The following IFT52 variants were observed in gnomAD, a reference collection of about 807,000 sequenced individuals.
IFT52 encodes the protein intraflagellar transport protein 52 homolog.
A neutral mutation model predicts 54.4 loss-of-function variants in IFT52; 44 were observed. The ratio of observed to expected loss-of-function variants is 0.81; its 90% CI spans 0.63 to 1.04. The LOEUF (loss-of-function observed/expected upper bound fraction) is 1.04. Among genes scored for constraint, IFT52 ranks in the 50% least tolerant of loss-of-function variants. The pLI, the probability that IFT52 is intolerant of heterozygous loss-of-function variation, is 0.00. For missense variants in IFT52, 452 were observed against 523.6 expected, an observed-to-expected ratio of 0.86 and a Z score of 1.33; for synonymous variants, 181 against 185.3, an observed-to-expected ratio of 0.98 and a Z score of 0.19.
chr20:43,618,824 G>C, intron 7 of IFT52, 116 bp from the exon 8 acceptor site: 1 of 667,332 alleles, frequency 1.5e-6, no homozygotes, highest in South Asian at 1.9e-5. Flanking sequence ...GGTGTGAATT[G>C]GCACTCTTCA....
At chr20:43,603,237 G>T (rs191145133) in intron 3 of IFT52, among the ~76,000 whole-genome samples, 2 of 152,132 alleles carry the variant, frequency 1.3e-5, no homozygotes, top group South Asian at 4.1e-4. Flanking sequence ...TCTATGGTTT[G>T]GTTGGTCAAT....
intron 10 of IFT52, among the ~76,000 whole-genome samples, chr20:43,627,945 T>TTG (rs1292128174): frequency 7.5e-5 from 11 of 147,240 alleles, no homozygotes; most frequent in African/African-American, 2.8e-4. Context: ...TTTTTTTTTT[T>TTG]GAGATACAGT....
At chr20:43,617,817 G>A (rs770137210) in intron 7 of IFT52, among the ~76,000 whole-genome samples, 16 of 151,596 alleles carry the variant, frequency 1.1e-4, no homozygotes, top group African/African-American at 1.7e-4. Flanking sequence ...ATCTCAGCTC[G>A]CTGCAACCTC....
chr20:43,606,631 C>G (rs1263020430), intron 6 of IFT52, among the ~76,000 whole-genome samples: 1 of 151,410 alleles, frequency 6.6e-6, no homozygotes, highest in Non-Finnish European at 1.5e-5. Context: ...GTGTTTCTCG[C>G]AGAGGGGGAT....
At chr20:43,635,823 T>G in intron 10 of IFT52, 103 bp from the exon 11 acceptor site, 2 of 966,202 alleles carry the variant, frequency 2.1e-6, no homozygotes, top group South Asian at 1.5e-5. Flanking sequence ...CTAAAAATAG[T>G]ACTGAACCAC....
At chr20:43,628,903 A>G (rs933603965) in intron 10 of IFT52, among the ~76,000 whole-genome samples, 2 of 151,850 alleles carry the variant, frequency 1.3e-5, no homozygotes, top group Admixed American at 6.6e-5. Flanking sequence ...GAGAGAAGGC[A>G]TATATTAGGC....
chr20:43,613,828 G>A, intron 6 of IFT52, 22 bp from the exon 7 acceptor site: 1 of 1,599,302 alleles, frequency 6.3e-7, no homozygotes, highest in Non-Finnish European at 8.5e-7. Context: ...AAATTTGAAT[G>A]TGTTTCTTTA....
chr20:43,635,448 C>T (rs1416722865), intron 10 of IFT52, among the ~76,000 whole-genome samples: 1 of 152,110 alleles, frequency 6.6e-6, no homozygotes, highest in Non-Finnish European at 1.5e-5. Context: ...AGGCGCCAGC[C>T]ACCACACCCG....
chr20:43,645,364 T>C (rs1986138670), intron 13 of IFT52, among the ~76,000 whole-genome samples: 1 of 55,246 alleles, frequency 1.8e-5, no homozygotes. Context: ...GAGACCATAC[T>C]GGCTAACACA....
intron 10 of IFT52, among the ~76,000 whole-genome samples, chr20:43,632,616 A>G (rs992949367): frequency 6.6e-6 from 1 of 152,050 alleles, no homozygotes; most frequent in African/African-American, 2.4e-5. Context: ...CTCCCCCTAC[A>G]ATGTAAGTTC....
intron 3 of IFT52, among the ~76,000 whole-genome samples, chr20:43,597,522 C>T (rs1457058086): frequency 2.6e-5 from 4 of 152,124 alleles, no homozygotes; most frequent in Non-Finnish European, 4.4e-5. Flanking sequence ...AACCCTTCCA[C>T]ACTGATGGTG....
chr20:43,615,770 C>G (rs1344682559), intron 7 of IFT52, among the ~76,000 whole-genome samples: 1 of 152,026 alleles, frequency 6.6e-6, no homozygotes, highest in Non-Finnish European at 1.5e-5. Flanking sequence ...AACCCCCTCT[C>G]TACTAAAATT....
chr20:43,635,175 A>G (rs946930368), intron 10 of IFT52, among the ~76,000 whole-genome samples: 26 of 116,868 alleles, frequency 2.2e-4, no homozygotes, highest in Non-Finnish European at 3.8e-4. Context: ...CTCCAAAAAA[A>G]AGAGAGAGAG....
At chr20:43,602,143 T>TTTTA (rs1555801613) in intron 3 of IFT52, among the ~76,000 whole-genome samples, 7,932 of 145,392 alleles carry the variant, frequency 0.055, 278 homozygotes, top group East Asian at 0.088. Flanking sequence ...CTGATTTTTA[T>TTTTA]TTTATTTATT....
intron 4 of IFT52, 73 bp from the exon 5 acceptor site, chr20:43,604,110 A>G (rs1982667623): frequency 7.7e-7 from 1 of 1,297,668 alleles, no homozygotes; most frequent in African/African-American, 1.5e-5. Context: ...CTTCAGGTCA[A>G]AATTGGTATG....
chr20:43,596,736 C>CTCTTTTT (rs1293519702), intron 3 of IFT52, among the ~76,000 whole-genome samples: 9 of 75,914 alleles, frequency 1.2e-4, no homozygotes, highest in South Asian at 5.4e-4. Flanking sequence ...AGCCACACTT[C>CTCTTTTT]TTTTTTTTTT....
chr20:43,611,845 C>T lies in IFT52; in HGVS notation c.486-2005C>T, dbSNP rs559933604. ...AGGAGTTTGAGACTAGCCTGACCAA[C>T]ATGGTGAAACCCCATCTTTACTAAA... On this transcript the variant is annotated intron_variant, in intron 6 of 13. Coordinates refer to ENST00000373030, the MANE Select transcript of IFT52 (RefSeq NM_016004.5). Among the ~76,000 whole-genome samples, 11 of 151,664 alleles carry T rather than the reference C, an allele frequency of 7.3e-5. No homozygotes were observed. The East Asian group carries it at 2.0e-3, about 27-fold the overall frequency.
intron 10 of IFT52, among the ~76,000 whole-genome samples, chr20:43,628,724 G>T (rs1476133982): frequency 6.6e-6 from 1 of 152,052 alleles, no homozygotes; most frequent in Non-Finnish European, 1.5e-5. Context: ...GGTGGTGCGC[G>T]CCTGTAGTCC....
At chr20:43,599,521 A>C (rs1982259593) in intron 3 of IFT52, among the ~76,000 whole-genome samples, 1 of 152,106 alleles carries the variant, frequency 6.6e-6, no homozygotes, top group Non-Finnish European at 1.5e-5. Flanking sequence ...GTGAGGTGGG[A>C]AGAAAAGGGA....
Sources: allele counts gnomAD v4.1 joint callset (sites outside exome capture counted in the v4.1 genomes callset), GRCh38; gene constraint gnomAD v4.1.1; transcripts MANE v1.5; gene names NCBI Gene and HGNC (gene_info 2026-07-23, HGNC 2026-07-21).